CFTR: variants seen among roughly 807,000 people sequenced by gnomAD.
CFTR encodes the protein cystic fibrosis transmembrane conductance regulator.
Under a neutral mutation model 171.6 loss-of-function variants are expected in CFTR, and 181 were observed. The ratio of observed to expected loss-of-function variants is 1.05; its 90% CI spans 0.93 to 1.19. The LOEUF (loss-of-function observed/expected upper bound fraction) is 1.19. CFTR is among the 50% of genes most tolerant of loss of function. CFTR has a pLI of 0.00. For missense variants in CFTR, 1,968 were observed against 1,734.7 expected (o/e 1.13, Z -2.39); for synonymous variants, 583 against 608.0 (o/e 0.96, Z 0.60).
At chr7:117,654,153 A>G (rs1222164389) in intron 24 of CFTR, among the ~76,000 whole-genome samples, 7 of 152,070 alleles carry the variant, frequency 4.6e-5, no homozygotes, top group Admixed American at 4.6e-4. Context: ...TCCCACACCT[A>G]TGGCTCCCTG....
At chr7:117,516,117 G>A (rs1476158933) in intron 3 of CFTR, among the ~76,000 whole-genome samples, 1 of 152,264 alleles carries the variant, frequency 6.6e-6, no homozygotes, top group Middle Eastern at 3.4e-3. Context: ...GGAATATGGT[G>A]CATCTTGCAT....
chr7:117,616,917 C>T (rs976996515), intron 21 of CFTR, among the ~76,000 whole-genome samples: 1 of 152,120 alleles, frequency 6.6e-6, no homozygotes, highest in Non-Finnish European at 1.5e-5. Flanking sequence ...TGCTGTCACC[C>T]ATGCCATTGC....
In CFTR at chr7:117,542,085, A is replaced by T. The variant is rs753143757; in HGVS notation, c.1186A>T (p.Asn396Tyr). 1.2e-5 allele frequency: 19 copies of T among 1,596,552 alleles called. No individual in the cohort carries two copies. In the South Asian group the frequency reaches 1.9e-4, roughly 16 times the overall value. Residue 396 changes from asparagine (N) to tyrosine (Y), a missense_variant, in exon 9 of 27, where the codon AAT becomes TAT. Transcript: ENST00000003084. ...NLTTTEVVME[N>Y]VTAFWEEGFG... is the part of the protein sequence containing the mutation. ...AACGACTACAGAAGTAGTGATGGAGAATGTAACAGCCTTCTGGGAGGAGGT... is the reference window on the plus strand; with the variant it reads ...AACGACTACAGAAGTAGTGATGGAGTATGTAACAGCCTTCTGGGAGGAGGT...
At chr7:117,657,996 G>A (rs1213901864) in intron 24 of CFTR, among the ~76,000 whole-genome samples, 1 of 152,198 alleles carries the variant, frequency 6.6e-6, no homozygotes, top group African/African-American at 2.4e-5. Context: ...GGTCCAGAGA[G>A]CCTCCTTTTT....
At chr7:117,523,101 T>C (rs1477966789) in intron 3 of CFTR, among the ~76,000 whole-genome samples, 2 of 152,212 alleles carry the variant, frequency 1.3e-5, no homozygotes, top group African/African-American at 4.8e-5. Context: ...TACCAGTTCT[T>C]TGTGAAATAG....
intron 11 of CFTR, among the ~76,000 whole-genome samples, chr7:117,561,713 T>A (rs1375660209): frequency 6.6e-6 from 1 of 152,194 alleles, no homozygotes; most frequent in Admixed American, 6.5e-5. Context: ...ATGAATCATA[T>A]ACTTCGGGAA....
chr7:117,615,029 A>G (rs555715975), intron 21 of CFTR, among the ~76,000 whole-genome samples: 15 of 152,234 alleles, frequency 9.9e-5, no homozygotes, highest in African/African-American at 3.4e-4. Flanking sequence ...GAGTGGTGCC[A>G]AATTGTCCTC....
intron 11 of CFTR, among the ~76,000 whole-genome samples, chr7:117,572,566 C>T (rs1344502307): frequency 2.0e-5 from 3 of 152,148 alleles, no homozygotes; most frequent in Non-Finnish European, 4.4e-5. Flanking sequence ...TGTATAGTAG[C>T]TGTATACAAA....
At chr7:117,649,294 GTGTGTGTGTATA>G (rs1562925115) in intron 23 of CFTR, among the ~76,000 whole-genome samples, 5 of 150,236 alleles carry the variant, frequency 3.3e-5, no homozygotes, top group Non-Finnish European at 7.4e-5. Context: ...GTGTGTGTGT[GTGTGTGTGTATA>G]TGTGTGTGTG....
Position 117,592,037 on chromosome 7 carries a change from A to T in CFTR, c.1870A>T (p.Ser624Cys). The change falls in exon 14 of 27, where the codon AGC becomes TGC. Residue 624 changes from serine (S) to cysteine (C), a missense_variant. Coordinates refer to ENST00000003084, the MANE Select transcript of CFTR (RefSeq NM_000492.4). ...DKILILHEGS[S>C]YFYGTFSELQ... ...AATATTAATTTTGCATGAAGGTAGCAGCTATTTTTATGGGACATTTTCAGA... is the reference window on the plus strand; with the variant it reads ...AATATTAATTTTGCATGAAGGTAGCTGCTATTTTTATGGGACATTTTCAGA... 1.2e-6 allele frequency: 2 copies of T among 1,604,778 alleles called. No homozygotes were observed. Among genetic ancestry groups the T allele is most frequent in the South Asian group, 2.3e-5 (2 of 88,692 alleles).
intron 20 of CFTR, among the ~76,000 whole-genome samples, chr7:117,612,023 G>GTATGTATATA (rs1554392388): frequency 1.1e-4 from 6 of 53,226 alleles, no homozygotes; most frequent in South Asian, 5.9e-4. Context: ...ATATATATAT[G>GTATGTATATA]TATATATATA....
intron 22 of CFTR, among the ~76,000 whole-genome samples, chr7:117,631,365 GC>G (rs1792742352): frequency 6.6e-6 from 1 of 152,038 alleles, no homozygotes. Flanking sequence ...TTCATATCAA[GC>G]CCCTATCAAC....
chr7:117,536,677 A>G lies in CFTR; in HGVS notation c.869+4A>G. 6.2e-7 allele frequency: 1 copy of G among 1,609,748 alleles called. No homozygotes were observed. The highest frequency in any genetic ancestry group is 8.5e-7 in the Non-Finnish European group (1 of 1,178,066). On this transcript the variant is annotated splice_donor_region_variant and intron_variant, in intron 7 of 26. Coordinates refer to ENST00000003084, the MANE Select transcript of CFTR (RefSeq NM_000492.4). ...AAATGATTGAAAACTTAAGACAGTA[A>G]GTTGTTCCAATAATTTCAATATTGT... is the stretch of plus-strand genomic sequence containing the variant.
intron 21 of CFTR, among the ~76,000 whole-genome samples, chr7:117,621,517 C>T (rs1398985827): frequency 3.3e-5 from 5 of 152,086 alleles, no homozygotes; most frequent in African/African-American, 1.2e-4. Context: ...ATAGAATTTC[C>T]TTTTGAATTG....
At chr7:117,514,766 C>T (rs1001787399) in intron 3 of CFTR, among the ~76,000 whole-genome samples, 4 of 152,150 alleles carry the variant, frequency 2.6e-5, no homozygotes, top group African/African-American at 9.6e-5. Flanking sequence ...CTAATTTACA[C>T]TCCCACTAAC....
chr7:117,536,778 A>G (rs1798966630), intron 7 of CFTR, 105 bp downstream of exon 7: 2 of 959,402 alleles, frequency 2.1e-6, no homozygotes, highest in Non-Finnish European at 3.2e-6. Context: ...TGTTTGTGAC[A>G]ATCAAATGAT....
intron 24 of CFTR, among the ~76,000 whole-genome samples, chr7:117,659,189 G>T (rs988841159): frequency 2.0e-5 from 3 of 151,878 alleles, no homozygotes; most frequent in Non-Finnish European, 2.9e-5. Context: ...CATCTTTCAG[G>T]CCTCTCCTTA....
At chr7:117,603,050 G>A (rs1255636693) in intron 16 of CFTR, among the ~76,000 whole-genome samples, 187 bp downstream of exon 16, 1 of 152,144 alleles carries the variant, frequency 6.6e-6, no homozygotes, top group Non-Finnish European at 1.5e-5. Context: ...CATTCCTGTA[G>A]TCCTAGCTCC....
intron 11 of CFTR, among the ~76,000 whole-genome samples, chr7:117,579,878 T>C (rs1304725691): frequency 1.3e-5 from 2 of 151,894 alleles, no homozygotes; most frequent in Non-Finnish European, 2.9e-5. Flanking sequence ...AAAATGAGGT[T>C]AGATTCATGT....
Sources: allele counts gnomAD v4.1 joint callset (sites outside exome capture counted in the v4.1 genomes callset), GRCh38; gene constraint gnomAD v4.1.1; transcripts MANE v1.5; gene names NCBI Gene and HGNC (gene_info 2026-07-23, HGNC 2026-07-21).